Variants in BLMH observed in about 807,000 individuals in gnomAD.
BLMH encodes BLM hydrolase.
In BLMH, 32 loss-of-function variants were observed where a neutral mutation model predicts 61.6. That is an observed-to-expected ratio of 0.52 (90% CI 0.39 to 0.70). The LOEUF (loss-of-function observed/expected upper bound fraction) is 0.70, where lower values mean the gene tolerates loss of function less well. Among genes scored for constraint, BLMH ranks in the 30% least tolerant of loss-of-function variants. The pLI is 0.00. For synonymous variants in BLMH, 183 were observed against 193.8 expected (o/e 0.94, Z 0.46); for missense variants, 460 against 555.5 (o/e 0.83, Z 1.73).
At chr17:30,286,197 A>G (rs1908723193) in intron 5 of BLMH, among the ~76,000 whole-genome samples, 1 of 152,368 alleles carries the variant, frequency 6.6e-6, no homozygotes, top group South Asian at 2.1e-4. Flanking sequence ...GGATTAGGAC[A>G]GCAGATTCTG....
chr17:30,270,455 T>C (rs576308909), intron 10 of BLMH, among the ~76,000 whole-genome samples: 78 of 142,806 alleles, frequency 5.5e-4, no homozygotes, highest in Non-Finnish European at 1.0e-3. Flanking sequence ...TGAGCTGAGA[T>C]CACACTACAG....
intron 11 of BLMH, among the ~76,000 whole-genome samples, chr17:30,259,701 C>T (rs1907906574): frequency 6.6e-6 from 1 of 152,200 alleles, no homozygotes; most frequent in Admixed American, 6.5e-5. Flanking sequence ...AGTATAAATT[C>T]CTCTGAGGGT....
intron 6 of BLMH, among the ~76,000 whole-genome samples, chr17:30,277,345 C>T (rs1183158156): frequency 2.0e-5 from 3 of 152,122 alleles, no homozygotes; most frequent in Non-Finnish European, 2.9e-5. Context: ...TTACTCAGTG[C>T]CAAGGCTACA....
rs1908900273 is a variant in BLMH, at chr17:30,291,779, ACCGCGGCGGG to A, written c.13+18_13+27del. 8 of 1,403,132 alleles carry A rather than the reference ACCGCGGCGGG, an allele frequency of 5.7e-6. No homozygotes were observed. The East Asian group carries it at 1.8e-4, about 32-fold the overall frequency. 86.9% of individuals were successfully genotyped at this position (1,403,132 alleles called of 1,614,324 possible). On this transcript the variant is annotated intron_variant, in intron 1 of 11. Coordinates refer to ENST00000261714, the MANE Select transcript of BLMH (RefSeq NM_000386.4). ...GGGGACCGCGGAGCTCCTCCAGAGGACCGCGGCGGGGGACGGCGGCACCTCACCCGAGCTG... is the reference window on the plus strand; with the variant it reads ...GGGGACCGCGGAGCTCCTCCAGAGGAGGACGGCGGCACCTCACCCGAGCTG...
At chr17:30,284,430 T>C (rs1209097680) in intron 6 of BLMH, among the ~76,000 whole-genome samples, 3 of 152,228 alleles carry the variant, frequency 2.0e-5, no homozygotes, top group African/African-American at 7.2e-5. Flanking sequence ...GAAGCATTAG[T>C]GTTTTCCATC....
chr17:30,291,656 G>C, intron 1 of BLMH, 148 bp from the exon 2 acceptor site: 1 of 1,372,088 alleles, frequency 7.3e-7, no homozygotes, highest in Non-Finnish European at 9.8e-7. Flanking sequence ...CCTCCAAGGA[G>C]CTGTCTCCCT....
rs150919946 is a variant in BLMH, at chr17:30,290,330, G to C, written c.212-848C>G. On this transcript the variant is annotated intron_variant, in intron 2 of 11. Coordinates refer to ENST00000261714, the MANE Select transcript of BLMH (RefSeq NM_000386.4). Reference sequence around the variant, plus strand: ...TAAGACCTGACCTGTTCCCTAACGGGTCACTGCAATCTAAACTATGTAGGA... The same window carrying C: ...TAAGACCTGACCTGTTCCCTAACGGCTCACTGCAATCTAAACTATGTAGGA... Among the ~76,000 whole-genome samples the C allele has an allele frequency of 3.9e-3, 596 of 152,276 alleles. 6 individuals carry two copies. The highest frequency in any genetic ancestry group is 0.014 in the African/African-American group (566 of 41,542).
At chr17:30,278,715 G>A (rs1908494196) in intron 6 of BLMH, among the ~76,000 whole-genome samples, 1 of 152,192 alleles carries the variant, frequency 6.6e-6, no homozygotes, top group South Asian at 2.1e-4. Flanking sequence ...TGTCACCCAG[G>A]CTGGAATGCG....
At chr17:30,258,574 A>C (rs946213310) in intron 11 of BLMH, among the ~76,000 whole-genome samples, 1 of 152,192 alleles carries the variant, frequency 6.6e-6, no homozygotes, top group African/African-American at 2.4e-5. Context: ...TTCAGTCAGC[A>C]GAAGTGTCCA....
intron 11 of BLMH, among the ~76,000 whole-genome samples, chr17:30,254,970 T>C (rs868055916): frequency 6.6e-6 from 1 of 152,212 alleles, no homozygotes. Flanking sequence ...ATGAAATACA[T>C]CTATCTACAT....
intron 11 of BLMH, among the ~76,000 whole-genome samples, chr17:30,251,428 C>T (rs1907664651): frequency 6.6e-6 from 1 of 152,222 alleles, no homozygotes; most frequent in Non-Finnish European, 1.5e-5. Flanking sequence ...ACGATGTGTA[C>T]TGAATCAAGA....
At chr17:30,251,917 G>A (rs1406641320) in intron 11 of BLMH, among the ~76,000 whole-genome samples, 1 of 151,932 alleles carries the variant, frequency 6.6e-6, no homozygotes, top group Admixed American at 6.5e-5. Context: ...AAATAAGTAT[G>A]AAAAATGAAT....
At chr17:30,266,359 C>A (rs1908105623) in intron 11 of BLMH, among the ~76,000 whole-genome samples, 1 of 151,736 alleles carries the variant, frequency 6.6e-6, no homozygotes, top group South Asian at 2.1e-4. Context: ...AACCCCGTCT[C>A]TACTAAAAAT....
Position 30,291,335 on chromosome 17 carries a change from G to A in BLMH, c.187C>T (p.Pro63Ser), listed in dbSNP as rs762253853. 1.6e-5 allele frequency: 25 copies of A among 1,612,836 alleles called. No homozygotes were observed. The highest frequency in any genetic ancestry group is 2.0e-5 in the Non-Finnish European group (24 of 1,179,974). The change falls in exon 2 of 12, where the codon CCA (proline) becomes TCA (serine). Residue 63 changes from proline to serine, a missense_variant. Physicochemically the swap from Pro to Ser is moderately conservative, Grantham distance 74. Around this residue, in one of 5 missense-constraint regions of BLMH, gnomAD observed 86 missense variants for 84.5 expected, o/e 1.02. Transcript: ENST00000261714. ...FQHAVPQEGK[P>S]ITNQKSSGRC... The stretch of plus-strand genomic sequence containing the variant: ...CCTGAGCTCTTCTGGTTGGTGATTG[G>A]CTTGCCCTCCTGGGGCACGGCGTGC...
chr17:30,286,986 G>A (rs751707167), intron 4 of BLMH, 84 bp from the exon 5 acceptor site: 15 of 852,992 alleles, frequency 1.8e-5, no homozygotes, highest in East Asian at 2.5e-5. Flanking sequence ...AAAAATAGGC[G>A]ATATTTTGCT....
chr17:30,264,471 ATACAG>A (rs953956117), intron 11 of BLMH, among the ~76,000 whole-genome samples: 5 of 152,262 alleles, frequency 3.3e-5, no homozygotes, highest in African/African-American at 1.2e-4. Flanking sequence ...GAAAAATTAT[ATACAG>A]TAAAGTGACC....
intron 11 of BLMH, among the ~76,000 whole-genome samples, chr17:30,254,735 G>C (rs1220166237): frequency 1.3e-5 from 2 of 152,164 alleles, no homozygotes; most frequent in Non-Finnish European, 2.9e-5. Flanking sequence ...TTGGAAACAT[G>C]AAAGGAGGAG....
intron 6 of BLMH, among the ~76,000 whole-genome samples, chr17:30,284,779 T>C (rs1908683364): frequency 6.6e-6 from 1 of 152,244 alleles, no homozygotes; most frequent in Non-Finnish European, 1.5e-5. Context: ...TCTGCCTTTC[T>C]AGCTTAATTT....
At chr17:30,275,030 G>C (rs1908380165) in intron 6 of BLMH, among the ~76,000 whole-genome samples, 1 of 147,398 alleles carries the variant, frequency 6.8e-6, no homozygotes, top group African/African-American at 2.5e-5. Flanking sequence ...TGAGGGCTGA[G>C]TCATGGTTTA....
Sources: allele counts gnomAD v4.1 joint callset (sites outside exome capture counted in the v4.1 genomes callset), GRCh38; gene constraint gnomAD v4.1.1; regional missense constraint gnomAD v4.1.1; transcripts MANE v1.5; gene names NCBI Gene and HGNC (gene_info 2026-07-23, HGNC 2026-07-21).